Variants in SPCS2 observed in about 807,000 individuals in gnomAD.
The protein encoded by SPCS2 is SPase 25 kDa subunit.
A neutral mutation model predicts 22.3 loss-of-function variants in SPCS2; 3 were observed. The ratio of observed to expected loss-of-function variants is 0.13; its 90% CI spans 0.06 to 0.35. The LOEUF (loss-of-function observed/expected upper bound fraction) is 0.35. SPCS2 is among the 10% of genes least tolerant of loss of function. The pLI is 1.00. For missense variants in SPCS2, 169 were observed against 280.9 expected (o/e 0.60, Z 2.85); for synonymous variants, 67 against 97.2 (o/e 0.69, Z 1.83).
chr11:74,965,962 AT>A (rs1413773332), intron 3 of SPCS2, 39 bp downstream of exon 3: 4 of 1,551,972 alleles, frequency 2.6e-6, no homozygotes, highest in South Asian at 1.2e-5. Context: ...TCTAGTGACT[AT>A]TTTTTTAAAT....
intron 1 of SPCS2, among the ~76,000 whole-genome samples, chr11:74,955,281 T>C (rs1213120243): frequency 6.6e-6 from 1 of 152,180 alleles, no homozygotes; most frequent in Non-Finnish European, 1.5e-5. Flanking sequence ...GGCACACAAA[T>C]GTTCATAACA....
At chr11:74,975,677 T>C (rs1948610431) in intron 4 of SPCS2, among the ~76,000 whole-genome samples, 1 of 152,236 alleles carries the variant, frequency 6.6e-6, no homozygotes, top group African/African-American at 2.4e-5. Context: ...GGAACTTCAC[T>C]ACTAGCTCTC....
intron 1 of SPCS2, among the ~76,000 whole-genome samples, chr11:74,953,456 G>T (rs1478715006): frequency 6.6e-6 from 1 of 152,138 alleles, no homozygotes; most frequent in Non-Finnish European, 1.5e-5. Flanking sequence ...GCCTCCCAAA[G>T]TGCGGGGTTT....
At chr11:74,955,302 A>G (rs1725466495) in intron 1 of SPCS2, among the ~76,000 whole-genome samples, 1 of 152,226 alleles carries the variant, frequency 6.6e-6, no homozygotes, top group Admixed American at 6.5e-5. Flanking sequence ...CAGTTATCAT[A>G]ATGGCCTAAA....
At position 74,949,282 on chromosome 11, in the gene SPCS2, C is replaced by A. The variant is rs1177297305; in HGVS notation, c.-4C>A. The A allele has an allele frequency of 1.3e-6, 2 of 1,536,936 alleles. No individual in the cohort carries two copies. Among genetic ancestry groups the A allele is most frequent in the Admixed American group, 2.2e-5 (1 of 45,996 alleles). On this transcript the variant is annotated 5_prime_UTR_variant, in exon 1 of 5. Coordinates refer to ENST00000263672, the MANE Select transcript of SPCS2 (RefSeq NM_014752.3). ...GAGGGGAGGGAGACGCAGAGGCGGA[C>A]AAGATGGCGGCGGCAGCTGTACAGG...
At chr11:74,959,176 C>T (rs1360645216) in intron 1 of SPCS2, among the ~76,000 whole-genome samples, 2 of 152,182 alleles carry the variant, frequency 1.3e-5, no homozygotes, top group Non-Finnish European at 2.9e-5. Flanking sequence ...TGACACCACT[C>T]TCACCCTTGG....
chr11:74,952,315 C>A (rs1364423356), intron 1 of SPCS2, among the ~76,000 whole-genome samples: 1 of 152,138 alleles, frequency 6.6e-6, no homozygotes, highest in Non-Finnish European at 1.5e-5. Flanking sequence ...ATAAAAGCCA[C>A]ATGACCTTGG....
At chr11:74,972,200 G>C (rs2028343) in intron 4 of SPCS2, among the ~76,000 whole-genome samples, 61,102 of 151,474 alleles carry the variant, frequency 0.4, 13,089 homozygotes, top group Middle Eastern at 0.5. Flanking sequence ...TGAGTAGCTG[G>C]GATTACGGAC....
intron 1 of SPCS2, among the ~76,000 whole-genome samples, chr11:74,961,352 A>G (rs1054055143): frequency 3.9e-5 from 6 of 152,230 alleles, no homozygotes; most frequent in Non-Finnish European, 7.3e-5. Flanking sequence ...GAGAGGTTAA[A>G]TTATTTGCCC....
intron 3 of SPCS2, among the ~76,000 whole-genome samples, chr11:74,968,892 C>G (rs1368640676): frequency 6.6e-6 from 1 of 152,090 alleles, no homozygotes; most frequent in Non-Finnish European, 1.5e-5. Flanking sequence ...TGGTTTCAAA[C>G]TCCAGGTCTC....
rs1013787333 is a variant in SPCS2, at chr11:74,969,705, A to G, written c.494+6A>G. On this transcript the variant is annotated splice_donor_region_variant and intron_variant, in intron 4 of 4. Coordinates refer to ENST00000263672, the MANE Select transcript of SPCS2 (RefSeq NM_014752.3). ...CTGTCCTCCAGTCTTAAAAGGTATG[A>G]CTATCCTCACAGATTTTTAAATCCT... is the stretch of plus-strand genomic sequence containing the variant. The G allele has an allele frequency of 1.3e-5, 21 of 1,613,504 alleles. No homozygotes were observed. In the African/African-American group the frequency reaches 2.7e-4, roughly 21 times the overall value.
At chr11:74,970,160 A>C (rs1022536594) in intron 4 of SPCS2, among the ~76,000 whole-genome samples, 1 of 152,246 alleles carries the variant, frequency 6.6e-6, no homozygotes, top group African/African-American at 2.4e-5. Context: ...CAGCTGACAC[A>C]CATGTGTTTT....
chr11:74,952,127 A>G (rs1948450313), intron 1 of SPCS2, among the ~76,000 whole-genome samples: 1 of 152,186 alleles, frequency 6.6e-6, no homozygotes, highest in South Asian at 2.1e-4. Flanking sequence ...GATGGTTTGG[A>G]GAGACAGAAA....
chr11:74,964,136 C>T (rs958894601), intron 1 of SPCS2, among the ~76,000 whole-genome samples: 4 of 152,208 alleles, frequency 2.6e-5, no homozygotes, highest in African/African-American at 7.2e-5. Context: ...CTCGAGTTAC[C>T]TCCAGCTTTT....
rs1391593902 is a variant in SPCS2 at position 74,949,405 on chromosome 11, G to A, written c.114+6G>A. 1 of 1,550,582 alleles carries A rather than the reference G, an allele frequency of 6.4e-7. No individual in the cohort carries two copies. The highest frequency in any genetic ancestry group is 8.7e-7 in the Non-Finnish European group (1 of 1,146,320). ...GTAGCGGCTTGTTGGATAAGGTGAG[G>A]AGCCGGTTCTTGGGAACAGTTGAAT... On this transcript the variant is annotated splice_donor_region_variant and intron_variant, in intron 1 of 4. Transcript: ENST00000263672.
At chr11:74,969,445 C>A in intron 3 of SPCS2, 120 bp from the exon 4 acceptor site, 1 of 907,488 alleles carries the variant, frequency 1.1e-6, no homozygotes, top group Non-Finnish European at 1.7e-6. Flanking sequence ...AGTGTTTTGG[C>A]AGCAAGACAA....
At chr11:74,974,909 C>T (rs575858002) in intron 4 of SPCS2, among the ~76,000 whole-genome samples, 12 of 152,216 alleles carry the variant, frequency 7.9e-5, no homozygotes, top group Admixed American at 3.9e-4. Flanking sequence ...CCACGGCACC[C>T]GGCCCACTGT....
chr11:74,959,968 A>G (rs1251452949), intron 1 of SPCS2, among the ~76,000 whole-genome samples: 1 of 152,208 alleles, frequency 6.6e-6, no homozygotes, highest in Non-Finnish European at 1.5e-5. Flanking sequence ...ATTCTTCATA[A>G]TGTTCTATTA....
At chr11:74,958,735 T>G (rs1271180614) in intron 1 of SPCS2, among the ~76,000 whole-genome samples, 1 of 152,152 alleles carries the variant, frequency 6.6e-6, no homozygotes, top group African/African-American at 2.4e-5. Flanking sequence ...CTCTTCTCTT[T>G]CATGTTCCTT....
Sources: allele counts gnomAD v4.1 joint callset (sites outside exome capture counted in the v4.1 genomes callset), GRCh38; gene constraint gnomAD v4.1.1; transcripts MANE v1.5; gene names NCBI Gene and HGNC (gene_info 2026-07-23, HGNC 2026-07-21).